SDK1: variants seen among roughly 807,000 people sequenced by gnomAD.
SDK1 encodes the protein sidekick cell adhesion molecule 1, also known as protein sidekick-1.
In SDK1, 157 loss-of-function variants were observed where a neutral mutation model predicts 245.5. The ratio of observed to expected loss-of-function variants is 0.64; its 90% confidence interval spans 0.56 to 0.73. The LOEUF (loss-of-function observed/expected upper bound fraction) is 0.73, where lower values mean the gene tolerates loss of function less well. Ranked by LOEUF, SDK1 falls within the 30% of genes least tolerant of loss-of-function variation. The pLI is 0.00. For missense variants in SDK1, 3,583 were observed against 3,002.3 expected (o/e 1.19, Z -4.52); for synonymous variants, 1,647 against 1,278.5 (o/e 1.29, Z -6.15).
chr7:3,864,369 G>A (rs1397277238), intron 5 of SDK1, among the ~76,000 whole-genome samples: 3 of 152,116 alleles, frequency 2.0e-5, no homozygotes, highest in African/African-American at 7.2e-5. Context: ...AGGGAAAGAA[G>A]GTCGATATAT....
chr7:3,317,180 C>CAAAAAAAAA (rs57138474), intron 1 of SDK1, among the ~76,000 whole-genome samples: 1 of 32,712 alleles, frequency 3.1e-5, no homozygotes, highest in Non-Finnish European at 5.6e-5. Context: ...GACTCTGTCT[C>CAAAAAAAAA]AAAAAAAAAA....
intron 4 of SDK1, among the ~76,000 whole-genome samples, chr7:3,809,826 G>A (rs1779341371): frequency 6.6e-6 from 1 of 152,168 alleles, no homozygotes; most frequent in Non-Finnish European, 1.5e-5. Flanking sequence ...AATCCTGAGT[G>A]CCTCGTTCCG....
chr7:3,968,998 G>A (rs773916160), intron 10 of SDK1, among the ~76,000 whole-genome samples: 1 of 152,076 alleles, frequency 6.6e-6, no homozygotes, highest in Non-Finnish European at 1.5e-5. Flanking sequence ...AGAGCAAAGG[G>A]GGAAGTGCCA....
Position 4,268,244 on chromosome 7 carries a change from C to G in SDK1, c.*2860C>G. ...CTGCAAGGATGTGGTCACGGAGTGG[C>G]CAGGAGGCTCCGTCTGAGCCACAGG... is the stretch of plus-strand genomic sequence containing the variant. On this transcript the variant is annotated 3_prime_UTR_variant, in exon 45 of 45. Transcript: ENST00000404826. The G allele has an allele frequency of 1.0e-6, 1 of 998,098 alleles. No homozygotes were observed. The highest frequency in any genetic ancestry group is 1.2e-6 in the Non-Finnish European group (1 of 837,642). The allele number at this position is 998,098 out of a possible 1,614,324, so 61.8% of individuals were successfully genotyped here. A position where few individuals can be genotyped will look rare whatever the true frequency, so the allele number is the denominator to read the frequency against.
At chr7:3,345,054 G>A (rs760165228) in intron 1 of SDK1, among the ~76,000 whole-genome samples, 2 of 152,180 alleles carry the variant, frequency 1.3e-5, no homozygotes, top group East Asian at 1.9e-4. Context: ...ATTGCAAGAA[G>A]TTAAGCGTTT....
At chr7:3,392,922 A>G (rs1781795657) in intron 1 of SDK1, among the ~76,000 whole-genome samples, 1 of 149,698 alleles carries the variant, frequency 6.7e-6, no homozygotes, top group African/African-American at 2.5e-5. Context: ...CTCATGATGA[A>G]CATTGGCTTA....
At chr7:3,651,310 A>G (rs1783007701) in intron 4 of SDK1, among the ~76,000 whole-genome samples, 1 of 151,846 alleles carries the variant, frequency 6.6e-6, no homozygotes, top group East Asian at 1.9e-4. Context: ...GTGTTTTTAA[A>G]TTTTCACTTC....
At chr7:4,155,415 T>C (rs565400925) in intron 30 of SDK1, among the ~76,000 whole-genome samples, 1 of 152,312 alleles carries the variant, frequency 6.6e-6, no homozygotes, top group South Asian at 2.1e-4. Flanking sequence ...CACGCACTTA[T>C]GGCACACCAC....
chr7:3,444,611 C>T (rs867507203), intron 1 of SDK1, among the ~76,000 whole-genome samples: 4 of 152,132 alleles, frequency 2.6e-5, no homozygotes, highest in Admixed American at 6.6e-5. Flanking sequence ...CGTTAGTGTT[C>T]GCCTTAGATG....
chr7:3,641,084 G>GT (rs1377853407), intron 3 of SDK1, among the ~76,000 whole-genome samples: 1 of 151,708 alleles, frequency 6.6e-6, no homozygotes, highest in African/African-American at 2.4e-5. Flanking sequence ...TGTTTTGTTG[G>GT]TTTGTTTCAT....
rs71032914 is a variant in SDK1 at position 3,906,617 on chromosome 7, C to CTTTTTT, written c.848-44283_848-44278dup. Among the ~76,000 whole-genome samples the CTTTTTT allele has an allele frequency of 2.1e-4, 12 of 57,250 alleles. 2 individuals are homozygous for CTTTTTT. Among genetic ancestry groups the CTTTTTT allele is most frequent in the South Asian group, 1.0e-3 (1 of 964 alleles). 37.6% of individuals were successfully genotyped at this position (57,250 alleles called of 152,430 possible). ...CAAGACACAGGTAGCATTTCAGTGT[C>CTTTTTT]TTTTTTTTTTTTTTTTTTTTTTTTT... On this transcript the variant is annotated intron_variant, in intron 5 of 44. Transcript: ENST00000404826.
chr7:4,053,237 C>T (rs898250878), intron 19 of SDK1, among the ~76,000 whole-genome samples: 12 of 152,086 alleles, frequency 7.9e-5, no homozygotes, highest in Non-Finnish European at 1.5e-4. Context: ...GTGCTGCTCC[C>T]GTTTTTGGAC....
intron 1 of SDK1, among the ~76,000 whole-genome samples, chr7:3,453,527 G>A (rs1229315659): frequency 4.6e-5 from 7 of 152,150 alleles, no homozygotes; most frequent in African/African-American, 1.4e-4. Context: ...CAGAGGGAGG[G>A]GAAGAAAGGA....
At chr7:3,357,891 C>A (rs1280826298) in intron 1 of SDK1, among the ~76,000 whole-genome samples, 1 of 152,154 alleles carries the variant, frequency 6.6e-6, no homozygotes, top group African/African-American at 2.4e-5. Context: ...GGTAGATGTA[C>A]TTCTAAATTA....
chr7:3,951,211 C>T (rs1780805214), intron 6 of SDK1, among the ~76,000 whole-genome samples, 177 bp downstream of exon 6: 1 of 152,050 alleles, frequency 6.6e-6, no homozygotes, highest in Non-Finnish European at 1.5e-5. Flanking sequence ...ACACTGATGT[C>T]TTCCAGAGTC....
intron 1 of SDK1, among the ~76,000 whole-genome samples, chr7:3,455,749 A>G (rs1780646808): frequency 6.6e-6 from 1 of 152,130 alleles, no homozygotes; most frequent in Non-Finnish European, 1.5e-5. Flanking sequence ...AGATTGTTTT[A>G]GCTATTCTAG....
intron 44 of SDK1, among the ~76,000 whole-genome samples, chr7:4,247,896 C>G (rs932539215): frequency 6.6e-5 from 10 of 152,172 alleles, no homozygotes; most frequent in Admixed American, 2.0e-4. Flanking sequence ...CCATTGGTCT[C>G]CTCCAGCCCC....
chr7:3,435,317 C>G (rs988181724), intron 1 of SDK1, among the ~76,000 whole-genome samples: 4 of 111,694 alleles, frequency 3.6e-5, no homozygotes, highest in African/African-American at 8.3e-5. Flanking sequence ...ATGAAGGGGA[C>G]TGCCTTTTTT....
chr7:4,020,523 G>A (rs992690622), intron 17 of SDK1, among the ~76,000 whole-genome samples: 23 of 152,324 alleles, frequency 1.5e-4, no homozygotes, highest in Admixed American at 4.6e-4. Flanking sequence ...GAAGACGGGG[G>A]CAATGCTTGC....
Sources: allele counts gnomAD v4.1 joint callset (sites outside exome capture counted in the v4.1 genomes callset), GRCh38; gene constraint gnomAD v4.1.1; transcripts MANE v1.5; gene names NCBI Gene and HGNC (gene_info 2026-07-23, HGNC 2026-07-21).